The following LAMA4 variants were observed in gnomAD, a reference collection of about 807,000 sequenced individuals.
The protein encoded by LAMA4 is laminin subunit alpha 4.
In LAMA4, 127 loss-of-function variants were observed where a neutral mutation model predicts 207.1. The observed-to-expected ratio is 0.61, with a 90% confidence interval of 0.53 to 0.71. The LOEUF (loss-of-function observed/expected upper bound fraction) is 0.71, where lower values mean the gene tolerates loss of function less well. LAMA4 is among the 30% of genes least tolerant of loss of function. The pLI is 0.00. For synonymous variants in LAMA4, 761 were observed against 816.0 expected (o/e 0.93, Z 1.15); for missense variants, 2,093 against 2,246.5 (o/e 0.93, Z 1.38).
intron 2 of LAMA4, among the ~76,000 whole-genome samples, chr6:112,220,663 C>T (rs1458912396): frequency 6.6e-6 from 1 of 152,064 alleles, no homozygotes; most frequent in Non-Finnish European, 1.5e-5. Context: ...ATACGAGTAT[C>T]TGATTATTTT....
intron 12 of LAMA4, among the ~76,000 whole-genome samples, chr6:112,167,840 TCACACACACACACACACACACACA>T (rs71021873): frequency 2.8e-4 from 35 of 125,860 alleles, no homozygotes; most frequent in African/African-American, 7.5e-4. Flanking sequence ...ATGCATACCA[TCACACACACACACACACACACACA>T]CACACACACA....
chr6:112,129,148 T>G lies in LAMA4; in HGVS notation c.4134-73A>C, dbSNP rs1319234447. ...AATTACATGATGAATATTATGGAAG[T>G]GAAAGAGCTTTGGCAATTAAAATGT... On this transcript the variant is annotated intron_variant, in intron 30 of 38. Transcript: ENST00000230538. 16 of 1,382,602 alleles carry G rather than the reference T, an allele frequency of 1.2e-5. No individual in the cohort carries two copies. The East Asian group carries it at 3.4e-4, about 30-fold the overall frequency. The allele number at this position is 1,382,602 out of a possible 1,614,324, so 85.6% of individuals were successfully genotyped here. A position where few individuals can be genotyped will look rare whatever the true frequency, so the allele number is the denominator to read the frequency against.
rs1158052395 is a variant in LAMA4, at chr6:112,178,390, T to TGAAA, written c.1078-162_1078-159dup. 27 of 653,712 alleles carry TGAAA rather than the reference T, an allele frequency of 4.1e-5. No individual in the cohort carries two copies. The East Asian group carries it at 6.4e-4, about 15-fold the overall frequency. The allele number at this position is 653,712 out of a possible 1,614,324, so 40.5% of individuals were successfully genotyped here. On this transcript the variant is annotated intron_variant, in intron 9 of 38. Transcript: ENST00000230538. ...ATGAAATCATCCCAAAAATAATGCA[T>TGAAA]GAAAGGTAATGTGATGGCCAGTTTT...
intron 3 of LAMA4, among the ~76,000 whole-genome samples, chr6:112,208,872 C>T (rs1373277075): frequency 6.6e-6 from 1 of 152,080 alleles, no homozygotes; most frequent in Non-Finnish European, 1.5e-5. Context: ...TTCAGATTGC[C>T]TGACAGATCA....
intron 18 of LAMA4, among the ~76,000 whole-genome samples, chr6:112,145,424 T>C (rs150519384): frequency 1.8e-3 from 273 of 152,256 alleles, no homozygotes; most frequent in African/African-American, 6.1e-3. Context: ...GCCTTGAAGG[T>C]AGGCATGGGG....
Position 112,128,911 on chromosome 6 carries a change from T to C in LAMA4, c.4287+11A>G, listed in dbSNP as rs782637048. On this transcript the variant is annotated intron_variant, in intron 31 of 38. Coordinates refer to ENST00000230538, the MANE Select transcript of LAMA4 (RefSeq NM_001105206.3). Reference sequence around the variant, plus strand: ...TGACAATTAGGAAGTCAGAACGGCATTATCTTTTACCTTTTTATTCTGACT... The same window carrying C: ...TGACAATTAGGAAGTCAGAACGGCACTATCTTTTACCTTTTTATTCTGACT... The C allele has an allele frequency of 4.3e-6, 7 of 1,611,204 alleles. No homozygotes were observed. The highest frequency in any genetic ancestry group is 1.1e-5 in the South Asian group (1 of 91,012).
chr6:112,181,869 C>T (rs891622025), intron 9 of LAMA4, among the ~76,000 whole-genome samples: 4 of 151,978 alleles, frequency 2.6e-5, no homozygotes, highest in Admixed American at 6.5e-5. Context: ...GAGGCCGAGG[C>T]GGGTGGATCA....
chr6:112,142,337 G>C (rs1350119972), intron 19 of LAMA4, 45 bp from the exon 20 acceptor site: 1 of 1,577,840 alleles, frequency 6.3e-7, no homozygotes, highest in African/African-American at 1.4e-5. Flanking sequence ...TGCAGAAATG[G>C]GCAGAGTGCT....
intron 2 of LAMA4, among the ~76,000 whole-genome samples, chr6:112,223,086 G>C (rs1477448061): frequency 6.6e-6 from 1 of 151,978 alleles, no homozygotes; most frequent in Non-Finnish European, 1.5e-5. Context: ...TTTCTGCTCT[G>C]GGTTCATCTC....
intron 20 of LAMA4, 33 bp from the exon 21 acceptor site, chr6:112,141,536 T>C: frequency 6.8e-7 from 1 of 1,477,672 alleles, no homozygotes; most frequent in Middle Eastern, 1.7e-4. Context: ...GTCATTTAAA[T>C]AAAATTCATA....
At chr6:112,214,981 G>A (rs924665345) in intron 3 of LAMA4, among the ~76,000 whole-genome samples, 3 of 152,226 alleles carry the variant, frequency 2.0e-5, no homozygotes, top group Non-Finnish European at 4.4e-5. Context: ...AACAGCAGCT[G>A]ATGTGCTTGA....
intron 22 of LAMA4, among the ~76,000 whole-genome samples, chr6:112,140,194 A>T (rs1268337638): frequency 6.6e-6 from 1 of 152,216 alleles, no homozygotes; most frequent in Non-Finnish European, 1.5e-5. Flanking sequence ...TTCTCATATA[A>T]TGAGAGGGAA....
chr6:112,159,839 G>A (rs1186830611), intron 13 of LAMA4, among the ~76,000 whole-genome samples: 3 of 152,060 alleles, frequency 2.0e-5, no homozygotes, highest in African/African-American at 7.2e-5. Context: ...GGTAAATTTG[G>A]GAAGAATAAC....
At chr6:112,247,344 A>T (rs924020372) in intron 2 of LAMA4, among the ~76,000 whole-genome samples, 2 of 152,218 alleles carry the variant, frequency 1.3e-5, no homozygotes, top group Admixed American at 1.3e-4. Context: ...GTAAGCCCAT[A>T]TTCTGCCTGT....
Position 112,185,363 on chromosome 6 carries a change from T to C in LAMA4, c.967-16A>G, listed in dbSNP as rs80110492. ...ACAATTTTGTCTGCAGAAGAATGTG[T>C]TTTGAGAATAGTCAATGGGCACACC... On this transcript the variant is annotated splice_polypyrimidine_tract_variant and intron_variant, in intron 8 of 38. Coordinates refer to ENST00000230538, the MANE Select transcript of LAMA4 (RefSeq NM_001105206.3). 91 of 1,471,624 alleles carry C rather than the reference T, an allele frequency of 6.2e-5. No individual in the cohort carries two copies. The highest frequency in any genetic ancestry group is 7.8e-5 in the Non-Finnish European group (82 of 1,050,128). 91.2% of individuals were successfully genotyped at this position (1,471,624 alleles called of 1,614,324 possible). A position where few individuals can be genotyped will look rare whatever the true frequency, so the allele number is the denominator to read the frequency against.
rs1554320408 is a variant in LAMA4 at position 112,108,110 on chromosome 6, T to C, written c.*1327A>G. On this transcript the variant is annotated 3_prime_UTR_variant, in exon 39 of 39. Coordinates refer to ENST00000230538, the MANE Select transcript of LAMA4 (RefSeq NM_001105206.3). ...GACATATATACCAATATGTAATATATATATAATCATTTCAAGGTAACATTG... is the reference window on the plus strand; with the variant it reads ...GACATATATACCAATATGTAATATACATATAATCATTTCAAGGTAACATTG... 1.3e-5 allele frequency among the ~76,000 whole-genome samples: 2 copies of C among 152,126 alleles called. No homozygotes were observed. Among genetic ancestry groups the C allele is most frequent in the African/African-American group, 4.8e-5 (2 of 41,420 alleles).
At chr6:112,213,930 C>A (rs28360619) in intron 3 of LAMA4, 69,025 of 603,870 alleles carry the variant, frequency 0.11, 4,290 homozygotes, top group South Asian at 0.13. Flanking sequence ...AGGCAACCTG[C>A]AAGAACTGAC....
rs371859889 is a variant in LAMA4 at position 112,206,946 on chromosome 6, GCAAAA to G, written c.422+70_422+74del. The G allele has an allele frequency of 0.023, 36,021 of 1,543,674 alleles. 496 individuals are homozygous for G. Among genetic ancestry groups the G allele is most frequent in the Middle Eastern group, 0.027 (157 of 5,880 alleles). On this transcript the variant is annotated intron_variant, in intron 4 of 38. Coordinates refer to ENST00000230538, the MANE Select transcript of LAMA4 (RefSeq NM_001105206.3). Reference sequence around the variant, plus strand: ...AGAAACCTCAGAACTCTGGGATAAGGCAAAACAAAACAAAACAAAACAAAACAATA... The same window carrying G: ...AGAAACCTCAGAACTCTGGGATAAGGCAAAACAAAACAAAACAAAACAATA...
chr6:112,161,704 C>T (rs1781061587), intron 13 of LAMA4, among the ~76,000 whole-genome samples: 1 of 152,068 alleles, frequency 6.6e-6, no homozygotes, highest in Non-Finnish European at 1.5e-5. Context: ...TAACATATGA[C>T]AGGTGGGGTG....
Sources: allele counts gnomAD v4.1 joint callset (sites outside exome capture counted in the v4.1 genomes callset), GRCh38; gene constraint gnomAD v4.1.1; transcripts MANE v1.5; gene names NCBI Gene and HGNC (gene_info 2026-07-23, HGNC 2026-07-21).